The following DOCK7 variants were observed in gnomAD, a reference collection of about 807,000 sequenced individuals.
The protein encoded by DOCK7 is dedicator of cytokinesis protein 7.
A neutral mutation model predicts 271.0 loss-of-function variants in DOCK7; 138 were observed. The observed-to-expected ratio is 0.51, with a 90% CI of 0.44 to 0.59. The LOEUF (loss-of-function observed/expected upper bound fraction) is 0.59. Among genes scored for constraint, DOCK7 ranks in the 20% least tolerant of loss-of-function variants. The pLI is 0.00. For synonymous variants in DOCK7, 823 were observed against 876.1 expected (o/e 0.94, Z 1.07); for missense variants, 2,066 against 2,592.4 (o/e 0.80, Z 4.41).
At chr1:62,619,685 G>C (rs768855320) in intron 13 of DOCK7, among the ~76,000 whole-genome samples, 2 of 152,096 alleles carry the variant, frequency 1.3e-5, no homozygotes, top group South Asian at 4.1e-4. Context: ...TAGGTAAGTG[G>C]GGACTACTGC....
chr1:62,533,439 AT>A (rs141381355), intron 29 of DOCK7, among the ~76,000 whole-genome samples: 13 of 151,190 alleles, frequency 8.6e-5, no homozygotes, highest in Non-Finnish European at 1.3e-4. Flanking sequence ...TCCTTTATTT[AT>A]TTTTTTTAAT....
intron 48 of DOCK7, 50 bp downstream of exon 48, chr1:62,473,932 G>A (rs769909613): frequency 6.8e-7 from 1 of 1,468,170 alleles, no homozygotes; most frequent in East Asian, 2.3e-5. Context: ...TCATACTGTG[G>A]TATTGGACAG....
rs763103821 is a variant in DOCK7, at chr1:62,555,976, T to A, written c.2445A>T (p.Gln815His). The A allele has an allele frequency of 2.5e-6, 4 of 1,613,338 alleles. No individual in the cohort carries two copies. The highest frequency in any genetic ancestry group is 3.4e-6 in the Non-Finnish European group (4 of 1,179,836). ...TTGATGCCATGGCTTCAAAAGATGC[T>A]TGACCTAGGTTAACTTTTAAGAAAG... The part of the protein sequence containing the change: ...VIAGQIVNLG[Q>H]ASFEAMASII... The change falls in exon 21 of 50, where the codon CAA becomes CAT. Residue 815 changes from glutamine to histidine, a missense_variant. Gln to His is a conservative substitution (Grantham distance 24). This residue lies in a region of DOCK7 where 1,414 missense variants were observed against 1,670.4 expected (regional missense o/e 0.85). Transcript: ENST00000635253.
chr1:62,505,605 G>C, intron 36 of DOCK7, 77 bp downstream of exon 36: 1 of 1,428,116 alleles, frequency 7.0e-7, no homozygotes. Context: ...ATTAACCAAT[G>C]AATGTGTCAA....
At chr1:62,478,693 G>T (rs964398655) in intron 43 of DOCK7, 10 of 151,994 alleles carry the variant, frequency 6.6e-5, no homozygotes, top group Non-Finnish European at 1.3e-4. Flanking sequence ...GATTATAGGC[G>T]TGAGCCACCG....
chr1:62,640,244 T>G (rs978388516), intron 7 of DOCK7, among the ~76,000 whole-genome samples: 1 of 152,210 alleles, frequency 6.6e-6, no homozygotes, highest in African/African-American at 2.4e-5. Flanking sequence ...CTGGGCACGG[T>G]GGCTCACTCC....
intron 1 of DOCK7, 28 bp downstream of exon 1, chr1:62,688,198 CG>C: frequency 7.3e-7 from 1 of 1,366,378 alleles, no homozygotes; most frequent in South Asian, 1.7e-5. Context: ...CGGGCGGCGG[CG>C]GCGGCGCGCC....
chr1:62,656,697 A>T (rs1184334303), intron 2 of DOCK7, among the ~76,000 whole-genome samples: 1 of 151,974 alleles, frequency 6.6e-6, no homozygotes, highest in Non-Finnish European at 1.5e-5. Flanking sequence ...GAATGGCATG[A>T]CAGTGAGTTA....
At position 62,528,158 on chromosome 1, in the gene DOCK7, G is replaced by T; in HGVS notation, c.3929C>A (p.Thr1310Lys). 6.2e-7 allele frequency: 1 copy of T among 1,608,886 alleles called. No individual in the cohort carries two copies. Among genetic ancestry groups the T allele is most frequent in the South Asian group, 1.1e-5 (1 of 89,824 alleles). ...TAGGAGGATTGTTTTTACCGTTGAC[G>T]TGAGGAGGAAACTGCCAGGCCTTGT... Reference protein sequence around the residue: ...QLTRPGSFLLTSTSGRQHTTF... With the variant: ...QLTRPGSFLLKSTSGRQHTTF... Residue 1310 changes from threonine (T) to lysine (K), a missense_variant, in exon 31 of 50, where the codon ACG (threonine) becomes AAG (lysine). This residue lies in a region of DOCK7 where 1,414 missense variants were observed against 1,670.4 expected (regional missense o/e 0.85). Transcript: ENST00000635253.
intron 42 of DOCK7, 32 bp downstream of exon 42, chr1:62,488,902 T>C: frequency 6.2e-7 from 1 of 1,612,942 alleles, no homozygotes; most frequent in Non-Finnish European, 8.5e-7. Context: ...GTTTTTTCCC[T>C]TTATAGTGAA....
intron 27 of DOCK7, 90 bp downstream of exon 27, chr1:62,539,455 T>C (rs184608527): frequency 3.6e-6 from 4 of 1,097,396 alleles, no homozygotes; most frequent in East Asian, 2.4e-5. Flanking sequence ...TATATAAATG[T>C]GCTCTTAAGG....
intron 1 of DOCK7, among the ~76,000 whole-genome samples, chr1:62,670,361 G>C (rs1659830644): frequency 6.6e-6 from 1 of 152,254 alleles, no homozygotes; most frequent in South Asian, 2.1e-4. Flanking sequence ...CCTGAGTCTG[G>C]TGGGGACGTG....
At chr1:62,505,307 TG>T (rs1338542302) in intron 36 of DOCK7, among the ~76,000 whole-genome samples, 2 of 152,080 alleles carry the variant, frequency 1.3e-5, no homozygotes, top group African/African-American at 4.8e-5. Flanking sequence ...ATAATTTCAG[TG>T]GGTTGAATTG....
rs1173409536 is a variant in DOCK7, at chr1:62,455,292, C to T, written c.*122G>A. The T allele has an allele frequency of 9.5e-7, 1 of 1,053,562 alleles. No individual in the cohort carries two copies. Among genetic ancestry groups the T allele is most frequent in the African/African-American group, 1.6e-5 (1 of 63,546 alleles). The allele number at this position is 1,053,562 out of a possible 1,614,324, so 65.3% of individuals were successfully genotyped here. ...TCTACATTTGATATTTTCTTGGCCA[C>T]TGCATTCTTCAATGAATAATAATTT... On this transcript the variant is annotated 3_prime_UTR_variant, in exon 50 of 50. Transcript: ENST00000635253.
At position 62,587,078 on chromosome 1, in the gene DOCK7, A is replaced by T. The variant is rs547398525; in HGVS notation, c.1683-454T>A. Among the ~76,000 whole-genome samples the T allele has an allele frequency of 3.9e-5, 6 of 152,226 alleles. No homozygotes were observed. The East Asian group carries it at 1.2e-3, about 29-fold the overall frequency. On this transcript the variant is annotated intron_variant, in intron 14 of 49. Coordinates refer to ENST00000635253, the MANE Select transcript of DOCK7 (RefSeq NM_001367561.1). ...TAAATGTGGCTTTTGTATAAATGTG[A>T]TTAAGAATTTAAGAGGTATAATATT...
intron 24 of DOCK7, 74 bp downstream of exon 24, chr1:62,543,582 G>A (rs1046910397): frequency 1.6e-5 from 18 of 1,150,738 alleles, no homozygotes; most frequent in Non-Finnish European, 2.0e-5. Context: ...TACTGGTTAT[G>A]TAAAGAAATC....
chr1:62,556,116 T>A (rs1341643504), intron 20 of DOCK7, 127 bp from the exon 21 acceptor site: 6 of 920,142 alleles, frequency 6.5e-6, no homozygotes, highest in Admixed American at 5.9e-5. Context: ...TGTATAAAGA[T>A]GATTACTATT....
chr1:62,558,477 C>T (rs1034621221), intron 20 of DOCK7, among the ~76,000 whole-genome samples: 5 of 151,904 alleles, frequency 3.3e-5, no homozygotes, highest in African/African-American at 1.2e-4. Flanking sequence ...CCTTGAAAAA[C>T]GATGGGAATG....
intron 43 of DOCK7, chr1:62,481,836 T>C (rs1157027634): frequency 2.0e-5 from 3 of 152,228 alleles, no homozygotes; most frequent in Non-Finnish European, 4.4e-5. Context: ...TCCGATGGAC[T>C]AGTTGTATAT....
Sources: allele counts gnomAD v4.1 joint callset (sites outside exome capture counted in the v4.1 genomes callset), GRCh38; gene constraint gnomAD v4.1.1; regional missense constraint gnomAD v4.1.1; transcripts MANE v1.5; gene names NCBI Gene and HGNC (gene_info 2026-07-23, HGNC 2026-07-21).